Variants in ALK observed in about 807,000 individuals in gnomAD.
The protein encoded by ALK is ALK tyrosine kinase receptor.
A neutral mutation model predicts 163.1 loss-of-function variants in ALK; 74 were observed. The ratio of observed to expected loss-of-function variants is 0.45; its 90% CI spans 0.38 to 0.55. ALK has a LOEUF of 0.55. ALK is among the 20% of genes least tolerant of loss of function. The probability of loss-of-function intolerance (pLI) is 0.00; values close to 1 mark genes in which losing one functional copy is unlikely to be tolerated. For synonymous variants in ALK, 960 were observed against 843.2 expected, an observed-to-expected ratio of 1.14 and a Z score of -2.40; for missense variants, 2,063 against 2,105.3, an observed-to-expected ratio of 0.98 and a Z score of 0.39.
At chr2:29,658,719 T>C (rs1295728470) in intron 3 of ALK, among the ~76,000 whole-genome samples, 1 of 152,194 alleles carries the variant, frequency 6.6e-6, no homozygotes, top group African/African-American at 2.4e-5. Flanking sequence ...GCTAGTATAT[T>C]TACTTTCTAG....
intron 4 of ALK, among the ~76,000 whole-genome samples, chr2:29,430,604 C>T (rs1452473809): frequency 6.6e-6 from 1 of 152,114 alleles, no homozygotes; most frequent in Admixed American, 6.5e-5. Context: ...CCCACTCATG[C>T]CCTAGAGCAA....
rs190399342 is a variant in ALK, at chr2:29,447,379, G to A, written c.1155-63520C>T. 8.4e-4 allele frequency among the ~76,000 whole-genome samples: 128 copies of A among 152,288 alleles called. 1 individual carries two copies. Among genetic ancestry groups the A allele is most frequent in the East Asian group, 7.7e-3 (40 of 5,174 alleles). ...GGTAAGACGCGGACAGAGAGTCCAC[G>A]CAGAACAGGCCTACTGGCATGTGGT... On this transcript the variant is annotated intron_variant, in intron 4 of 28. Coordinates refer to ENST00000389048, the MANE Select transcript of ALK (RefSeq NM_004304.5).
chr2:29,571,893 T>C (rs1433027196), intron 3 of ALK, among the ~76,000 whole-genome samples: 1 of 152,054 alleles, frequency 6.6e-6, no homozygotes, highest in Non-Finnish European at 1.5e-5. Context: ...GGATTACAGG[T>C]GTGAACTAGA....
At chr2:29,722,496 C>A (rs545559909) in intron 1 of ALK, among the ~76,000 whole-genome samples, 4 of 152,314 alleles carry the variant, frequency 2.6e-5, no homozygotes, top group South Asian at 2.1e-4. Context: ...ACTTGGAAAA[C>A]CATACAGTGA....
intron 11 of ALK, among the ~76,000 whole-genome samples, chr2:29,263,784 T>A (rs886071279): frequency 6.6e-6 from 1 of 152,180 alleles, no homozygotes; most frequent in African/African-American, 2.4e-5. Flanking sequence ...ATCTCAGAGA[T>A]GTGAGTCTTG....
intron 3 of ALK, among the ~76,000 whole-genome samples, chr2:29,590,128 T>C (rs1279218833): frequency 2.0e-5 from 3 of 152,212 alleles, no homozygotes; most frequent in Non-Finnish European, 4.4e-5. Flanking sequence ...TCCAGGGCCA[T>C]GGGAACGGAT....
Position 29,214,081 on chromosome 2 carries a change from T to C in ALK, c.3646A>G (p.Ser1216Gly), listed in dbSNP as rs543229475. 6.2e-6 allele frequency: 10 copies of C among 1,613,676 alleles called. No homozygotes were observed. The African/African-American group carries it at 1.3e-4, about 22-fold the overall frequency. The change falls in exon 24 of 29, where the codon AGC (serine) becomes GGC (glycine). Residue 1216 changes from serine to glycine, a missense_variant and splice_region_variant. Physicochemically the swap from Ser to Gly is moderately conservative, Grantham distance 56. Transcript: ENST00000389048. Reference protein sequence around the residue: ...SFLRETRPRPSQPSSLAMLDL... With the variant: ...SFLRETRPRPGQPSSLAMLDL... ...AGCATGGCCAGGGAGGAGGGCTGGC[T>C]CTGTGGGGAGACAGAAGCGGGCCAC...
chr2:29,611,198 A>G (rs1293334221), intron 3 of ALK, among the ~76,000 whole-genome samples: 1 of 152,182 alleles, frequency 6.6e-6, no homozygotes, highest in Non-Finnish European at 1.5e-5. Flanking sequence ...AGCCACAGAC[A>G]GCATCTTGGC....
In ALK at chr2:29,860,392, GAA is replaced by G. The variant is rs61057760; in HGVS notation, c.667+59599_667+59600del. On this transcript the variant is annotated intron_variant, in intron 1 of 28. Transcript: ENST00000389048. ...ACTAAGGATTAGTTAAGGAAAGGGA[GAA>G]AAAAAAAAAAAAACAGAAAAGAAAT... Among the ~76,000 whole-genome samples the G allele has an allele frequency of 4.5e-3, 501 of 110,392 alleles. 3 individuals carry two copies. The highest frequency in any genetic ancestry group is 0.017 in the African/African-American group (474 of 28,488). The allele number at this position is 110,392 out of a possible 152,430, so 72.4% of individuals were successfully genotyped here. A position where few individuals can be genotyped will look rare whatever the true frequency, so the allele number is the denominator to read the frequency against.
At chr2:29,525,721 C>T (rs6709084) in intron 4 of ALK, among the ~76,000 whole-genome samples, 60,588 of 146,556 alleles carry the variant, frequency 0.41, 13,566 homozygotes, top group Non-Finnish European at 0.52. Context: ...ACCCAGGAGA[C>T]GGAGGCTGGC....
At chr2:29,624,938 C>T (rs1186003159) in intron 3 of ALK, among the ~76,000 whole-genome samples, 1 of 152,186 alleles carries the variant, frequency 6.6e-6, no homozygotes, top group African/African-American at 2.4e-5. Flanking sequence ...TGGAAACCTA[C>T]ACACTAGGTG....
chr2:29,414,038 G>C (rs1223061406), intron 4 of ALK, among the ~76,000 whole-genome samples: 1 of 152,198 alleles, frequency 6.6e-6, no homozygotes, highest in Non-Finnish European at 1.5e-5. Context: ...AACTGGCAGT[G>C]AAATAGGTTT....
At chr2:29,752,601 G>A (rs1279057894) in intron 1 of ALK, among the ~76,000 whole-genome samples, 1 of 151,964 alleles carries the variant, frequency 6.6e-6, no homozygotes, top group Admixed American at 6.6e-5. Flanking sequence ...GCCCGTCTCG[G>A]CCTCCCAAAG....
intron 5 of ALK, among the ~76,000 whole-genome samples, chr2:29,335,361 A>G (rs778111735): frequency 2.6e-5 from 4 of 152,170 alleles, no homozygotes; most frequent in African/African-American, 4.8e-5. Flanking sequence ...ATAGCTTACA[A>G]TGTGTTTTCT....
chr2:29,741,559 G>T (rs758942047), intron 1 of ALK, among the ~76,000 whole-genome samples: 4 of 152,136 alleles, frequency 2.6e-5, no homozygotes, highest in Non-Finnish European at 4.4e-5. Context: ...AAAACAATCT[G>T]GAATAAGAGG....
intron 5 of ALK, among the ~76,000 whole-genome samples, chr2:29,333,512 T>C (rs1191078551): frequency 6.6e-6 from 1 of 152,182 alleles, no homozygotes; most frequent in Non-Finnish European, 1.5e-5. Context: ...TCATACTGAG[T>C]TGTATGAGGT....
intron 1 of ALK, among the ~76,000 whole-genome samples, chr2:29,778,757 C>T (rs1681249549): frequency 6.6e-6 from 1 of 152,134 alleles, no homozygotes; most frequent in African/African-American, 2.4e-5. Flanking sequence ...GAAATAGGAT[C>T]CACTCTTATA....
At chr2:29,301,035 T>C (rs1462255424) in intron 8 of ALK, among the ~76,000 whole-genome samples, 1 of 152,200 alleles carries the variant, frequency 6.6e-6, no homozygotes, top group African/African-American at 2.4e-5. Flanking sequence ...TGAAGAACTG[T>C]CTGCATTACC....
intron 3 of ALK, among the ~76,000 whole-genome samples, chr2:29,620,355 C>T (rs139230648): frequency 2.5e-3 from 386 of 152,234 alleles, no homozygotes; most frequent in Non-Finnish European, 4.4e-3. Flanking sequence ...TCCAAATTTC[C>T]ACCTCTTATA....
Sources: allele counts gnomAD v4.1 joint callset (sites outside exome capture counted in the v4.1 genomes callset), GRCh38; gene constraint gnomAD v4.1.1; transcripts MANE v1.5; gene names NCBI Gene and HGNC (gene_info 2026-07-23, HGNC 2026-07-21).